The following TRIP12 variants were observed in gnomAD, a reference collection of about 807,000 sequenced individuals.
TRIP12 encodes E3 ubiquitin-protein ligase TRIP12.
A neutral mutation model predicts 244.2 loss-of-function variants in TRIP12; 25 were observed. The observed-to-expected ratio is 0.10, with a 90% CI of 0.07 to 0.14. The LOEUF (loss-of-function observed/expected upper bound fraction) is 0.14. Ranked by LOEUF, TRIP12 falls within the 10% of genes least tolerant of loss-of-function variation. The pLI is 1.00. For synonymous variants in TRIP12, 905 were observed against 873.1 expected (o/e 1.04, Z -0.64); for missense variants, 1,677 against 2,486.4 (o/e 0.67, Z 6.92).
At position 229,872,892 on chromosome 2, in the gene TRIP12, A is replaced by C. The variant is rs143209533; in HGVS notation, c.98+7090T>G. ...TTTAAAGCTTCTTTGAGACTGACTT[A>C]TACTTCTCCAAGCCAGCCTTTAAGG... On this transcript the variant is annotated intron_variant, in intron 2 of 41. Coordinates refer to ENST00000675903, the MANE Select transcript of TRIP12 (RefSeq NM_001348323.3). Among the ~76,000 whole-genome samples the C allele has an allele frequency of 2.9e-3, 438 of 152,316 alleles. 7 individuals carry two copies. The highest frequency in any genetic ancestry group is 8.0e-3 in the African/African-American group (334 of 41,564).
Position 229,798,904 on chromosome 2 carries a change from A to T in TRIP12, c.3453T>A (p.Ala1151=). 9 of 1,614,202 alleles carry T rather than the reference A, an allele frequency of 5.6e-6. No individual in the cohort carries two copies. The highest frequency in any genetic ancestry group is 7.6e-6 in the Non-Finnish European group (9 of 1,180,042). The change falls in exon 23 of 42, where the codon GCT becomes GCA. Residue 1151 remains alanine (A), a synonymous_variant. Transcript: ENST00000675903. ...TATTGGAGATGGTATCCTTTGAGGC[A>T]GCCCTGGCAAGGCCACTACCTCCCG... ...RTAGGSGLAR[A]ASKDTISNNR...
At chr2:229,854,103 T>C (rs1037649469) in intron 4 of TRIP12, among the ~76,000 whole-genome samples, 7 of 152,154 alleles carry the variant, frequency 4.6e-5, no homozygotes, top group Non-Finnish European at 7.4e-5. Context: ...TATGGATATA[T>C]TGCTTAGTGG....
intron 5 of TRIP12, among the ~76,000 whole-genome samples, chr2:229,837,734 T>C (rs1450462788): frequency 6.6e-6 from 1 of 152,080 alleles, no homozygotes; most frequent in African/African-American, 2.4e-5. Context: ...CTAAATCATA[T>C]AAAAATAACT....
chr2:229,911,774 G>C (rs917641645), intron 1 of TRIP12, among the ~76,000 whole-genome samples: 1 of 151,720 alleles, frequency 6.6e-6, no homozygotes. Flanking sequence ...AGTGCAAAGC[G>C]AATATTTTAT....
At chr2:229,922,536 C>T (rs1481793717), upstream of TRIP12, 4 of 1,613,792 alleles carry the variant, frequency 2.5e-6, no homozygotes, top group Non-Finnish European at 2.5e-6. Context: ...CTGCCGGAGA[C>T]TCTCTTTGAA....
chr2:229,896,073 G>T (rs1193560532), intron 1 of TRIP12, among the ~76,000 whole-genome samples: 3 of 152,002 alleles, frequency 2.0e-5, no homozygotes, highest in African/African-American at 7.2e-5. Context: ...CAGATTAAAA[G>T]TTTTTCCACC....
rs1288813603 is a variant in TRIP12, at chr2:229,815,208, G to A, written c.1636-14C>T. On this transcript the variant is annotated splice_polypyrimidine_tract_variant and intron_variant, in intron 10 of 41. Coordinates refer to ENST00000675903, the MANE Select transcript of TRIP12 (RefSeq NM_001348323.3). Reference sequence around the variant, plus strand: ...AGCATGGTTCATCTAGAAAAGAAGAGATTTTAATGAGTAAAAACTCAAAAC... The same window carrying A: ...AGCATGGTTCATCTAGAAAAGAAGAAATTTTAATGAGTAAAAACTCAAAAC... 1.9e-6 allele frequency: 3 copies of A among 1,602,928 alleles called. No individual in the cohort carries two copies. In the South Asian group the frequency reaches 3.4e-5, roughly 18 times the overall value.
chr2:229,871,498 A>C (rs141866955), intron 2 of TRIP12, among the ~76,000 whole-genome samples: 2 of 152,170 alleles, frequency 1.3e-5, no homozygotes, highest in African/African-American at 4.8e-5. Flanking sequence ...CTGGTTGTTT[A>C]CAAGTGTGTG....
chr2:229,830,114 C>T (rs933950073), intron 7 of TRIP12, among the ~76,000 whole-genome samples: 3 of 152,134 alleles, frequency 2.0e-5, no homozygotes, highest in African/African-American at 7.2e-5. Flanking sequence ...GATAAAAATA[C>T]ATACCCATCC....
intron 25 of TRIP12, among the ~76,000 whole-genome samples, chr2:229,795,825 G>A (rs1281961176): frequency 6.6e-6 from 1 of 152,148 alleles, no homozygotes; most frequent in African/African-American, 2.4e-5. Context: ...ACATAATACT[G>A]TCACGCTTCT....
intron 1 of TRIP12, among the ~76,000 whole-genome samples, chr2:229,916,910 A>C (rs887473779): frequency 6.6e-6 from 1 of 151,916 alleles, no homozygotes; most frequent in Admixed American, 6.6e-5. Context: ...CGGTATACTT[A>C]TCTATTTATT....
At chr2:229,864,957 T>C (rs1296904046) in intron 2 of TRIP12, among the ~76,000 whole-genome samples, 1 of 152,102 alleles carries the variant, frequency 6.6e-6, no homozygotes, top group Non-Finnish European at 1.5e-5. Context: ...GTCCACAGAA[T>C]TAAAAACCAT....
chr2:229,816,178 C>T (rs1009955771), intron 9 of TRIP12, among the ~76,000 whole-genome samples: 2 of 152,096 alleles, frequency 1.3e-5, no homozygotes, highest in African/African-American at 2.4e-5. Flanking sequence ...GATATTCTAA[C>T]ACCATACTCA....
chr2:229,783,157 T>C (rs1458138490), intron 34 of TRIP12, among the ~76,000 whole-genome samples: 5 of 152,350 alleles, frequency 3.3e-5, no homozygotes, highest in East Asian at 1.9e-4. Context: ...TAGGAATAAC[T>C]TGTATCAATT....
At chr2:229,808,015 G>A in intron 16 of TRIP12, 151 bp from the exon 17 acceptor site, 1 of 872,528 alleles carries the variant, frequency 1.1e-6, no homozygotes, top group Non-Finnish European at 1.7e-6. Context: ...GCCCAGGCTG[G>A]ATGGCAGTGG....
intron 26 of TRIP12, 67 bp downstream of exon 26, chr2:229,795,112 A>G (rs2042496756): frequency 2.6e-6 from 4 of 1,551,230 alleles, no homozygotes; most frequent in South Asian, 2.5e-5. Flanking sequence ...ACCTCTTGCC[A>G]TCTTACTTCA....
intron 8 of TRIP12, among the ~76,000 whole-genome samples, chr2:229,821,883 T>C (rs1466859027): frequency 6.6e-6 from 1 of 152,154 alleles, no homozygotes; most frequent in Non-Finnish European, 1.5e-5. Flanking sequence ...CTCACACCTG[T>C]AATCCCAGCA....
chr2:229,783,775 A>G (rs1445794955), intron 34 of TRIP12, among the ~76,000 whole-genome samples: 1 of 151,326 alleles, frequency 6.6e-6, no homozygotes. Flanking sequence ...TAAAATTCAC[A>G]TGAAATAAAA....
chr2:229,870,215 A>G (rs2062301374), intron 2 of TRIP12, among the ~76,000 whole-genome samples: 2 of 152,236 alleles, frequency 1.3e-5, no homozygotes. Context: ...CATGAAGAAC[A>G]TTATTTATTG....
Sources: gnomAD v4.1 joint callset for allele counts (sites outside exome capture counted in the v4.1 genomes callset) on GRCh38, gnomAD v4.1.1 for gene constraint, MANE v1.5 for transcripts, NCBI Gene and HGNC (gene_info 2026-07-23, HGNC 2026-07-21) for gene names.